The following HS6ST3 variants were observed in gnomAD, a reference collection of about 807,000 sequenced individuals.
HS6ST3 encodes heparan sulfate 6-O-sulfotransferase 3, also known as heparan-sulfate 6-O-sulfotransferase 3.
HS6ST3 carries 12 observed loss-of-function variants against 36.7 expected under a neutral mutation model. That is an observed-to-expected ratio of 0.33 (90% confidence interval 0.21 to 0.53). The LOEUF is 0.53. Among genes scored for constraint, HS6ST3 ranks in the 20% least tolerant of loss-of-function variants. The probability of loss-of-function intolerance (pLI) is 0.95; values close to 1 mark genes in which losing one functional copy is unlikely to be tolerated. For missense variants in HS6ST3, 584 were observed against 640.9 expected (o/e 0.91, Z 0.96); for synonymous variants, 240 against 257.5 (o/e 0.93, Z 0.65).
intron 1 of HS6ST3, among the ~76,000 whole-genome samples, chr13:96,540,018 G>A (rs1043201881): frequency 1.1e-4 from 17 of 152,342 alleles, no homozygotes; most frequent in Admixed American, 9.8e-4. Flanking sequence ...TTGGGCATAG[G>A]CCATTGACAG....
At chr13:96,371,475 T>C (rs2055289850) in intron 1 of HS6ST3, among the ~76,000 whole-genome samples, 1 of 152,200 alleles carries the variant, frequency 6.6e-6, no homozygotes, top group Non-Finnish European at 1.5e-5. Flanking sequence ...GTGTATGTGA[T>C]GAGCCTACTT....
rs578050929 is a variant in HS6ST3, at chr13:96,174,152, T to C, written c.707+82583T>C. 2.0e-5 allele frequency among the ~76,000 whole-genome samples: 3 copies of C among 152,290 alleles called. 1 individual carries two copies. The highest frequency in any genetic ancestry group is 7.2e-5 in the African/African-American group (3 of 41,556). ...TCATATTTTATTTCCAATGCAACTA[T>C]TATGAAAAAATTCTAAGCATACAGA... On this transcript the variant is annotated intron_variant, in intron 1 of 1. Transcript: ENST00000376705.
intron 1 of HS6ST3, among the ~76,000 whole-genome samples, chr13:96,334,631 G>A (rs570382063): frequency 3.3e-5 from 5 of 152,228 alleles, no homozygotes; most frequent in South Asian, 4.2e-4. Context: ...ACACAGTGGC[G>A]GGGAAGAGAG....
intron 1 of HS6ST3, among the ~76,000 whole-genome samples, chr13:96,402,039 C>T (rs182846080): frequency 6.6e-6 from 1 of 152,262 alleles, no homozygotes; most frequent in Admixed American, 6.5e-5. Context: ...AACTCCTGTG[C>T]TCAAGAAATT....
intron 1 of HS6ST3, among the ~76,000 whole-genome samples, chr13:96,401,273 T>C (rs1259799378): frequency 2.0e-5 from 3 of 152,178 alleles, no homozygotes; most frequent in Non-Finnish European, 4.4e-5. Context: ...TAGGGGACAT[T>C]TGAAACTGTG....
At chr13:96,208,916 T>C (rs1476897268) in intron 1 of HS6ST3, among the ~76,000 whole-genome samples, 1 of 152,164 alleles carries the variant, frequency 6.6e-6, no homozygotes, top group East Asian at 1.9e-4. Context: ...TATGGAATAT[T>C]GGGGAAAATT....
chr13:96,716,193 T>C (rs1354238760), intron 1 of HS6ST3, among the ~76,000 whole-genome samples: 4 of 152,120 alleles, frequency 2.6e-5, no homozygotes, highest in Admixed American at 2.6e-4. Flanking sequence ...TCTCAAAATT[T>C]TCAGATGTCC....
At chr13:96,419,065 T>C (rs2055549337) in intron 1 of HS6ST3, among the ~76,000 whole-genome samples, 1 of 152,264 alleles carries the variant, frequency 6.6e-6, no homozygotes, top group Non-Finnish European at 1.5e-5. Flanking sequence ...AGACTTTTTT[T>C]CTAGTGTCAA....
chr13:96,215,289 C>T (rs1454184169), intron 1 of HS6ST3, among the ~76,000 whole-genome samples: 1 of 152,214 alleles, frequency 6.6e-6, no homozygotes, highest in Non-Finnish European at 1.5e-5. Flanking sequence ...GCTTTCTGTT[C>T]ACCCAGTGAT....
At chr13:96,290,404 G>C (rs1422579715) in intron 1 of HS6ST3, among the ~76,000 whole-genome samples, 1 of 152,084 alleles carries the variant, frequency 6.6e-6, no homozygotes, top group African/African-American at 2.4e-5. Flanking sequence ...AGATAAAAAG[G>C]CCTTTCAAAG....
chr13:96,423,932 C>A (rs1869111364), intron 1 of HS6ST3, among the ~76,000 whole-genome samples: 1 of 152,310 alleles, frequency 6.6e-6, no homozygotes, highest in South Asian at 2.1e-4. Context: ...GCGATTGTAT[C>A]TTGGCTGCAA....
At chr13:96,346,866 A>G (rs994973953) in intron 1 of HS6ST3, among the ~76,000 whole-genome samples, 2 of 152,058 alleles carry the variant, frequency 1.3e-5, no homozygotes, top group Non-Finnish European at 2.9e-5. Context: ...CACTTCCATG[A>G]TTAGGTTACA....
intron 1 of HS6ST3, among the ~76,000 whole-genome samples, chr13:96,799,933 T>C (rs1185315923): frequency 7.9e-6 from 1 of 126,784 alleles, no homozygotes; most frequent in African/African-American, 3.3e-5. Flanking sequence ...TTTGAATACA[T>C]ATATGTGTGT....
At chr13:96,323,809 T>G (rs2055016643) in intron 1 of HS6ST3, among the ~76,000 whole-genome samples, 1 of 152,258 alleles carries the variant, frequency 6.6e-6, no homozygotes, top group African/African-American at 2.4e-5. Flanking sequence ...TTTTACATCT[T>G]AATTTGTTTA....
At chr13:96,374,793 T>C (rs996837566) in intron 1 of HS6ST3, among the ~76,000 whole-genome samples, 1 of 152,110 alleles carries the variant, frequency 6.6e-6, no homozygotes, top group Non-Finnish European at 1.5e-5. Context: ...ATGATCAATA[T>C]CTATAAAACA....
At chr13:96,536,930 C>T (rs2056157809) in intron 1 of HS6ST3, among the ~76,000 whole-genome samples, 2 of 152,182 alleles carry the variant, frequency 1.3e-5, no homozygotes, top group Non-Finnish European at 2.9e-5. Flanking sequence ...AGCCTCTTCT[C>T]ATTTGAATAG....
chr13:96,093,225 G>T (rs779421697), intron 1 of HS6ST3, among the ~76,000 whole-genome samples: 2 of 152,260 alleles, frequency 1.3e-5, no homozygotes, highest in African/African-American at 4.8e-5. Flanking sequence ...GTAGGGGCTG[G>T]CATTATTTTT....
chr13:96,731,762 C>A (rs975646949), intron 1 of HS6ST3, among the ~76,000 whole-genome samples: 1 of 151,806 alleles, frequency 6.6e-6, no homozygotes, highest in African/African-American at 2.4e-5. Flanking sequence ...CTCAGGCAAT[C>A]CTCTTGCCTC....
At chr13:96,457,121 A>G (rs2055757933) in intron 1 of HS6ST3, among the ~76,000 whole-genome samples, 1 of 152,158 alleles carries the variant, frequency 6.6e-6, no homozygotes, top group Admixed American at 6.5e-5. Context: ...AATGACCCTC[A>G]TTAGAATCCC....
Sources: allele counts gnomAD v4.1 joint callset (sites outside exome capture counted in the v4.1 genomes callset), GRCh38; gene constraint gnomAD v4.1.1; transcripts MANE v1.5; gene names NCBI Gene and HGNC (gene_info 2026-07-23, HGNC 2026-07-21).